Variants in SYN3 observed in about 807,000 individuals in gnomAD.
SYN3 encodes the protein synapsin III.
Under a neutral mutation model 65.8 loss-of-function variants are expected in SYN3, and 35 were observed. That is an observed-to-expected ratio of 0.53 (90% CI 0.41 to 0.70). The LOEUF (loss-of-function observed/expected upper bound fraction) is 0.70. SYN3 is among the 30% of genes least tolerant of loss of function. SYN3 has a pLI of 0.00. For synonymous variants in SYN3, 270 were observed against 292.9 expected (o/e 0.92, Z 0.80); for missense variants, 680 against 749.0 (o/e 0.91, Z 1.08).
intron 4 of SYN3, among the ~76,000 whole-genome samples, chr22:32,871,753 G>A (rs1876990870): frequency 6.6e-6 from 1 of 151,950 alleles, no homozygotes; most frequent in Non-Finnish European, 1.5e-5. Context: ...GACTACAGGT[G>A]CGCACCACCA....
intron 7 of SYN3, among the ~76,000 whole-genome samples, chr22:32,587,824 C>G (rs908969574): frequency 6.6e-6 from 1 of 152,112 alleles, no homozygotes; most frequent in Non-Finnish European, 1.5e-5. Flanking sequence ...GGTTTCCCAA[C>G]CTGTCATCAT....
intron 6 of SYN3, among the ~76,000 whole-genome samples, chr22:32,664,817 C>T (rs1183615652): frequency 6.6e-6 from 1 of 151,096 alleles, no homozygotes; most frequent in Non-Finnish European, 1.5e-5. Flanking sequence ...GTCTCGATCT[C>T]CTAACCTCAT....
At chr22:32,638,278 T>C (rs1460758668) in intron 6 of SYN3, among the ~76,000 whole-genome samples, 1 of 152,236 alleles carries the variant, frequency 6.6e-6, no homozygotes, top group Non-Finnish European at 1.5e-5. Context: ...AATGAACACG[T>C]GAGTGCATGC....
chr22:32,904,911 C>T (rs1018134260), intron 4 of SYN3, among the ~76,000 whole-genome samples: 1 of 152,094 alleles, frequency 6.6e-6, no homozygotes, highest in Non-Finnish European at 1.5e-5. Context: ...CCCTCCTGTC[C>T]ATGGATAATG....
At chr22:32,874,846 T>G (rs1389977154) in intron 4 of SYN3, among the ~76,000 whole-genome samples, 2 of 152,158 alleles carry the variant, frequency 1.3e-5, no homozygotes, top group East Asian at 3.9e-4. Flanking sequence ...ACACTCTTCA[T>G]AACACTCCAC....
chr22:32,985,191 T>C (rs1395138352), intron 2 of SYN3, among the ~76,000 whole-genome samples: 1 of 152,188 alleles, frequency 6.6e-6, no homozygotes, highest in South Asian at 2.1e-4. Context: ...AAACAAGGCA[T>C]ACAAAGCACT....
At chr22:32,640,589 G>T (rs577381010) in intron 6 of SYN3, among the ~76,000 whole-genome samples, 63 of 152,238 alleles carry the variant, frequency 4.1e-4, no homozygotes, top group African/African-American at 1.4e-3. Context: ...ATATTTGGCC[G>T]GGTGCGGTGG....
chr22:32,817,842 A>T (rs2047127709), intron 6 of SYN3, among the ~76,000 whole-genome samples: 1 of 152,140 alleles, frequency 6.6e-6, no homozygotes, highest in South Asian at 2.1e-4. Context: ...GCAGGTAATG[A>T]ACAGTAGGGG....
rs2145796999 is a variant in SYN3, at chr22:33,006,352, C to T, written c.311G>A (p.Trp104Ter). 1 of 1,593,610 alleles carries T rather than the reference C, an allele frequency of 6.3e-7. No individual in the cohort carries two copies. Among genetic ancestry groups the T allele is most frequent in the Non-Finnish European group, 8.6e-7 (1 of 1,167,342 alleles). The change falls in exon 2 of 14, where the codon TGG becomes TAG. Residue 104 changes from tryptophan to a stop codon, truncating the protein, a stop_gained and splice_region_variant. Coordinates refer to ENST00000358763, the MANE Select transcript of SYN3 (RefSeq NM_003490.4). LOFTEE classifies it high-confidence loss of function. ...GTAGCACTTGCAAATTCCTACTTAC[C>T]AGTCTGTATGGGCATCATCGATCAC... ...LLVIDDAHTD[W>*]SKYFHGKKVN...
At chr22:32,959,729 G>A (rs1027585378) in intron 3 of SYN3, among the ~76,000 whole-genome samples, 24 of 152,120 alleles carry the variant, frequency 1.6e-4, no homozygotes, top group African/African-American at 5.3e-4. Flanking sequence ...CCAGCAGCTG[G>A]GACTACAGGC....
At chr22:32,826,949 G>A (rs1004659163) in intron 6 of SYN3, among the ~76,000 whole-genome samples, 2 of 152,168 alleles carry the variant, frequency 1.3e-5, no homozygotes, top group African/African-American at 4.8e-5. Flanking sequence ...TTGAATCCAA[G>A]CCTCCAGCTC....
chr22:32,581,071 A>C (rs1202716325), intron 7 of SYN3, among the ~76,000 whole-genome samples: 1 of 152,180 alleles, frequency 6.6e-6, no homozygotes, highest in East Asian at 1.9e-4. Context: ...ATCAGTCTTT[A>C]GGTTAATCCC....
In SYN3 at chr22:32,739,390, T is replaced by A. The variant is rs920005848; in HGVS notation, c.711+125525A>T. On this transcript the variant is annotated intron_variant, in intron 6 of 13. Coordinates refer to ENST00000358763, the MANE Select transcript of SYN3 (RefSeq NM_003490.4). ...TTAAACCCCCCCTTTTTTTTTTTTTTATAAATTACCCAGTCTCGGGTATGT... is the reference window on the plus strand; with the variant it reads ...TTAAACCCCCCCTTTTTTTTTTTTTAATAAATTACCCAGTCTCGGGTATGT... 2.0e-4 allele frequency among the ~76,000 whole-genome samples: 26 copies of A among 131,478 alleles called. No individual in the cohort carries two copies. In the East Asian group the frequency reaches 4.3e-3, roughly 22 times the overall value. 86.3% of individuals were successfully genotyped at this position (131,478 alleles called of 152,430 possible).
intron 6 of SYN3, among the ~76,000 whole-genome samples, chr22:32,604,956 A>AG (rs1359650987): frequency 1.4e-5 from 2 of 146,276 alleles, no homozygotes; most frequent in African/African-American, 5.0e-5. Context: ...CAGTGAGCCG[A>AG]GATGGCGCCA....
At chr22:32,957,441 G>A (rs1229672110) in intron 3 of SYN3, among the ~76,000 whole-genome samples, 1 of 152,112 alleles carries the variant, frequency 6.6e-6, no homozygotes, top group Non-Finnish European at 1.5e-5. Flanking sequence ...GAAAGCTACC[G>A]AACAGCCTAA....
At chr22:32,944,319 A>G (rs1234633260) in intron 3 of SYN3, among the ~76,000 whole-genome samples, 1 of 152,218 alleles carries the variant, frequency 6.6e-6, no homozygotes, top group East Asian at 1.9e-4. Flanking sequence ...AACTACATGG[A>G]AACTGAACAA....
At chr22:32,663,937 C>CA (rs1430389781) in intron 6 of SYN3, among the ~76,000 whole-genome samples, 8 of 136,630 alleles carry the variant, frequency 5.9e-5, no homozygotes, top group African/African-American at 1.9e-4. Context: ...GCATTCCCCC[C>CA]CCACACTGCA....
At chr22:32,703,638 TAAAA>T (rs529566235) in intron 6 of SYN3, among the ~76,000 whole-genome samples, 2 of 135,316 alleles carry the variant, frequency 1.5e-5, no homozygotes, top group Non-Finnish European at 1.6e-5. Flanking sequence ...CTCCATCGCT[TAAAA>T]AAAAAAAAAA....
In SYN3 at chr22:32,931,404, C is replaced by T; in HGVS notation, c.447G>A (p.Gly149=). Residue 149 remains glycine, a synonymous_variant, in exon 4 of 14, where the codon GGG becomes GGA. Transcript: ENST00000358763. ...CMVDMQVVRN[G]TKVVSRSFKP... ...ATCCTACTTACCTCACCACTTTGGT[C>T]CCATTTCTCACGACCTGCATGTCCA... is the stretch of plus-strand genomic sequence containing the variant. 3 of 1,612,786 alleles carry T rather than the reference C, an allele frequency of 1.9e-6. No homozygotes were observed. The highest frequency in any genetic ancestry group is 2.5e-6 in the Non-Finnish European group (3 of 1,178,858).
Sources: gnomAD v4.1 joint callset for allele counts (sites outside exome capture counted in the v4.1 genomes callset) on GRCh38, gnomAD v4.1.1 for gene constraint, MANE v1.5 for transcripts, NCBI Gene and HGNC (gene_info 2026-07-23, HGNC 2026-07-21) for gene names.